PRIM2: variants seen among roughly 807,000 people sequenced by gnomAD.
PRIM2 encodes the protein DNA primase large subunit.
Under a neutral mutation model 67.3 loss-of-function variants are expected in PRIM2, and 39 were observed. The observed-to-expected ratio is 0.58, with a 90% CI of 0.45 to 0.76. The LOEUF is 0.76. PRIM2 is among the 30% of genes least tolerant of loss of function. The pLI is 0.00. For synonymous variants in PRIM2, 143 were observed against 198.7 expected (o/e 0.72, Z 2.36); for missense variants, 398 against 598.7 (o/e 0.66, Z 3.50).
intron 7 of PRIM2, among the ~76,000 whole-genome samples, chr6:57,414,076 G>C (rs1408133819): frequency 2.0e-5 from 3 of 152,104 alleles, no homozygotes; most frequent in African/African-American, 7.2e-5. Context: ...ACAAGCGTTT[G>C]GTTAAGTGGG....
At chr6:57,556,231 TA>T (rs1369712975) in intron 10 of PRIM2, among the ~76,000 whole-genome samples, 3 of 152,186 alleles carry the variant, frequency 2.0e-5, no homozygotes, top group Admixed American at 6.5e-5. Flanking sequence ...AAGTAATTTA[TA>T]GATTCAATGC....
At chr6:57,456,961 G>T (rs1358938396) in intron 7 of PRIM2, among the ~76,000 whole-genome samples, 5,019 of 152,186 alleles carry the variant, frequency 0.033, 278 homozygotes, top group African/African-American at 0.11. Context: ...TACAGATGGG[G>T]TTTTGGTGTG....
At chr6:57,533,234 A>G (rs2127468669) in intron 9 of PRIM2, among the ~76,000 whole-genome samples, 1 of 152,176 alleles carries the variant, frequency 6.6e-6, no homozygotes, top group South Asian at 2.1e-4. Flanking sequence ...AGGGTAGCGT[A>G]CTTTGCCATA....
chr6:57,430,447 G>GTTTTTTTTTT (rs71687266), intron 7 of PRIM2, among the ~76,000 whole-genome samples: 67 of 78,148 alleles, frequency 8.6e-4, no homozygotes, highest in East Asian at 2.3e-3. Flanking sequence ...TTCTTTCTTT[G>GTTTTTTTTTT]TTTTTTTTTT....
chr6:57,531,414 G>A (rs1250010452), intron 8 of PRIM2, among the ~76,000 whole-genome samples: 2 of 152,092 alleles, frequency 1.3e-5, no homozygotes, highest in Non-Finnish European at 2.9e-5. Context: ...TCACTCCAGG[G>A]TTTCCCTTTA....
the PRIM2 span, among the ~76,000 whole-genome samples, chr6:57,305,944 C>T: frequency 6.6e-6 from 1 of 152,162 alleles, no homozygotes; most frequent in South Asian, 2.1e-4. Flanking sequence ...AATGAAATGC[C>T]TAAAGCTGTG....
intron 13 of PRIM2, among the ~76,000 whole-genome samples, chr6:57,641,696 C>G (rs1777238570): frequency 6.6e-6 from 1 of 152,112 alleles, no homozygotes; most frequent in Admixed American, 6.5e-5. Context: ...CATCTCATGC[C>G]AGTTAGAATG....
At chr6:57,272,841 G>A in the PRIM2 span, among the ~76,000 whole-genome samples, 1 of 152,126 alleles carries the variant, frequency 6.6e-6, no homozygotes, top group Admixed American at 6.5e-5. Flanking sequence ...AAATCTCTCA[G>A]CATTTGCTTG....
At chr6:57,551,136 G>A (rs1393471692) in intron 10 of PRIM2, among the ~76,000 whole-genome samples, 4,115 of 152,224 alleles carry the variant, frequency 0.027, 167 homozygotes, top group African/African-American at 0.088. Flanking sequence ...AAAATAACCA[G>A]ACAGTTATTT....
chr6:57,596,404 A>C (rs1371448329), intron 10 of PRIM2, among the ~76,000 whole-genome samples: 3 of 152,182 alleles, frequency 2.0e-5, no homozygotes, highest in Admixed American at 6.5e-5. Flanking sequence ...ATATAAAGTT[A>C]TAGAATAGTT....
At chr6:57,489,196 A>G (rs1468821041) in intron 7 of PRIM2, among the ~76,000 whole-genome samples, 2 of 152,382 alleles carry the variant, frequency 1.3e-5, no homozygotes, top group East Asian at 3.8e-4. Context: ...ATTATTGGTT[A>G]TTAGTCTGGC....
chr6:57,585,795 A>C (rs1776177214), intron 10 of PRIM2, among the ~76,000 whole-genome samples: 1 of 152,294 alleles, frequency 6.6e-6, no homozygotes, highest in East Asian at 1.9e-4. Flanking sequence ...TTGGCCAAGG[A>C]GGGCATCTTG....
chr6:57,409,663 C>T (rs1476182340), intron 7 of PRIM2, among the ~76,000 whole-genome samples: 5 of 152,194 alleles, frequency 3.3e-5, no homozygotes. Flanking sequence ...TTTAATCATT[C>T]TAATGGATGT....
chr6:57,456,719 T>A (rs1772798339), intron 7 of PRIM2, among the ~76,000 whole-genome samples: 1 of 152,116 alleles, frequency 6.6e-6, no homozygotes, highest in Admixed American at 6.5e-5. Flanking sequence ...TTAACTTCTT[T>A]GCCATGGGTT....
intron 2 of PRIM2, among the ~76,000 whole-genome samples, chr6:57,318,900 C>T (rs1767562198): frequency 6.6e-6 from 1 of 152,158 alleles, no homozygotes; most frequent in African/African-American, 2.4e-5. Flanking sequence ...TGGAGACAGA[C>T]ATCCAAAATA....
chr6:57,265,598 A>G, the PRIM2 span, among the ~76,000 whole-genome samples: 2 of 152,214 alleles, frequency 1.3e-5, no homozygotes, highest in East Asian at 3.8e-4. Flanking sequence ...TTGTGAATGC[A>G]TTTAGTGATT....
chr6:57,428,862 C>A (rs190672001), intron 7 of PRIM2, among the ~76,000 whole-genome samples: 3 of 152,112 alleles, frequency 2.0e-5, no homozygotes, highest in Non-Finnish European at 2.9e-5. Context: ...AAACTACAGA[C>A]CTTATTCATA....
chr6:57,305,387 G>T, the PRIM2 span, among the ~76,000 whole-genome samples: 4 of 152,206 alleles, frequency 2.6e-5, no homozygotes, highest in African/African-American at 9.6e-5. Context: ...TCTGGTCTAT[G>T]TCAGGGACTA....
At chr6:57,296,783 T>C in the PRIM2 span, among the ~76,000 whole-genome samples, 1 of 152,116 alleles carries the variant, frequency 6.6e-6, no homozygotes, top group East Asian at 1.9e-4. Context: ...CATTCTCTCA[T>C]TAAAAAGAAC....
Sources: gnomAD v4.1 joint callset for allele counts (sites outside exome capture counted in the v4.1 genomes callset) on GRCh38, gnomAD v4.1.1 for gene constraint, MANE v1.5 for transcripts, NCBI Gene and HGNC (gene_info 2026-07-23, HGNC 2026-07-21) for gene names.